The following NPR3 variants were observed in gnomAD, a reference collection of about 807,000 sequenced individuals.
The protein encoded by NPR3 is atrial natriuretic peptide receptor 3.
A neutral mutation model predicts 54.5 loss-of-function variants in NPR3; 34 were observed. The ratio of observed to expected loss-of-function variants is 0.62; its 90% confidence interval spans 0.47 to 0.83. The LOEUF (loss-of-function observed/expected upper bound fraction) is 0.83. Among genes scored for constraint, NPR3 ranks in the 40% least tolerant of loss-of-function variants. The pLI, the probability that NPR3 is intolerant of heterozygous loss-of-function variation, is 0.00. For synonymous variants in NPR3, 289 were observed against 297.1 expected (o/e 0.97, Z 0.28); for missense variants, 674 against 720.8 (o/e 0.94, Z 0.74).
intron 3 of NPR3, among the ~76,000 whole-genome samples, chr5:32,745,972 C>T (rs914669416): frequency 3.3e-5 from 5 of 152,102 alleles, no homozygotes; most frequent in African/African-American, 9.7e-5. Context: ...ACATAAATAT[C>T]CATGACTGTG....
In NPR3 at chr5:32,783,009, C is replaced by T. The variant is rs750067218; in HGVS notation, c.1407C>T (p.Asn469=). Residue 469 remains asparagine (N), a synonymous_variant, in exon 6 of 8, where the codon AAC becomes AAT. Coordinates refer to ENST00000265074, the MANE Select transcript of NPR3 (RefSeq NM_001204375.2). ...AAAACCGAATTGTAGAGCATACAAA[C>T]AGCTCTCCCTGCAAATCATGTAAGT... ...IDENRIVEHT[N]SSPCKSSGGL... 1 of 1,602,574 alleles carries T rather than the reference C, an allele frequency of 6.2e-7. No individual in the cohort carries two copies. The highest frequency in any genetic ancestry group is 8.5e-7 in the Non-Finnish European group (1 of 1,173,680).
At chr5:32,720,085 G>T (rs916829136) in intron 1 of NPR3, among the ~76,000 whole-genome samples, 3 of 152,130 alleles carry the variant, frequency 2.0e-5, no homozygotes, top group Admixed American at 2.0e-4. Flanking sequence ...CCAGAATTAG[G>T]CAGGAATATC....
chr5:32,715,192 G>A (rs1738483064), intron 1 of NPR3, among the ~76,000 whole-genome samples: 1 of 152,202 alleles, frequency 6.6e-6, no homozygotes, highest in South Asian at 2.1e-4. Flanking sequence ...GTGAAACAAT[G>A]TGTGGGGTGA....
intron 3 of NPR3, among the ~76,000 whole-genome samples, chr5:32,740,665 T>G (rs187012842): frequency 1.3e-5 from 2 of 152,148 alleles, no homozygotes; most frequent in Admixed American, 6.5e-5. Flanking sequence ...TAACACAATA[T>G]AAACATATTT....
chr5:32,754,150 G>T (rs1740713882), intron 3 of NPR3, among the ~76,000 whole-genome samples: 1 of 152,128 alleles, frequency 6.6e-6, no homozygotes, highest in African/African-American at 2.4e-5. Context: ...ATAAGGCCTG[G>T]CCATTGATGC....
In NPR3 at chr5:32,746,737, G is replaced by A. The variant is rs188827411; in HGVS notation, c.1059+7707G>A. ...CATGTTAGACTGAGTCAGTGTGGGAGACAGATTTTCCTCTCAGTCAGCTTA... is the reference window on the plus strand; with the variant it reads ...CATGTTAGACTGAGTCAGTGTGGGAAACAGATTTTCCTCTCAGTCAGCTTA... On this transcript the variant is annotated intron_variant, in intron 3 of 7. Transcript: ENST00000265074. Among the ~76,000 whole-genome samples the A allele has an allele frequency of 5.9e-3, 899 of 152,286 alleles. 4 individuals are homozygous for A. Among genetic ancestry groups the A allele is most frequent in the Non-Finnish European group, 8.6e-3 (586 of 68,016 alleles).
intron 1 of NPR3, among the ~76,000 whole-genome samples, chr5:32,698,498 C>T (rs1299050296): frequency 6.6e-6 from 1 of 151,978 alleles, no homozygotes; most frequent in African/African-American, 2.4e-5. Context: ...TCCATTTGGT[C>T]TATAATGCAG....
At chr5:32,781,657 T>C (rs1742343032) in intron 5 of NPR3, among the ~76,000 whole-genome samples, 1 of 152,168 alleles carries the variant, frequency 6.6e-6, no homozygotes, top group Non-Finnish European at 1.5e-5. Flanking sequence ...TTGTGGGAAG[T>C]TCTGAAGCAG....
intron 1 of NPR3, 43 bp downstream of exon 1, chr5:32,712,588 G>T (rs778781025): frequency 7.4e-6 from 11 of 1,481,002 alleles, no homozygotes; most frequent in Non-Finnish European, 9.9e-6. Flanking sequence ...TAACCCAACC[G>T]CTCTCCGCGG....
At chr5:32,751,422 G>A (rs1352458399) in intron 3 of NPR3, among the ~76,000 whole-genome samples, 2 of 152,194 alleles carry the variant, frequency 1.3e-5, no homozygotes, top group East Asian at 3.9e-4. Flanking sequence ...TCCTTCTAGT[G>A]CCAAAGGAGG....
chr5:32,749,691 G>A (rs928759822), intron 3 of NPR3, among the ~76,000 whole-genome samples: 5 of 152,176 alleles, frequency 3.3e-5, no homozygotes, highest in Non-Finnish European at 2.9e-5. Flanking sequence ...GGGAGTGAAA[G>A]TCTCACCTTT....
At chr5:32,726,503 T>C (rs1739143962) in intron 2 of NPR3, among the ~76,000 whole-genome samples, 1 of 152,166 alleles carries the variant, frequency 6.6e-6, no homozygotes, top group Admixed American at 6.6e-5. Flanking sequence ...AGTTTTACTA[T>C]GGGCTGCAGG....
chr5:32,699,454 C>T (rs1405529432), intron 1 of NPR3, among the ~76,000 whole-genome samples: 1 of 152,126 alleles, frequency 6.6e-6, no homozygotes, highest in Non-Finnish European at 1.5e-5. Context: ...AATGCTTTCC[C>T]TCCACTCATC....
At chr5:32,718,428 G>C (rs188038530) in intron 1 of NPR3, among the ~76,000 whole-genome samples, 2 of 152,224 alleles carry the variant, frequency 1.3e-5, no homozygotes, top group African/African-American at 4.8e-5. Flanking sequence ...AATTACTTTG[G>C]GCAATATGGC....
In NPR3 at chr5:32,782,757, C is replaced by T. The variant is rs183063901; in HGVS notation, c.1291-136C>T. The T allele has an allele frequency of 6.5e-5, 52 of 796,518 alleles. No individual in the cohort carries two copies. In the African/African-American group the frequency reaches 7.0e-4, roughly 11 times the overall value. 49.3% of individuals were successfully genotyped at this position (796,518 alleles called of 1,614,324 possible). Reference sequence around the variant, plus strand: ...GCACTTGCTGTCCTTGCCCTGGAGACGGTGATTTGATGAAATGCCCAGAGG... The same window carrying T: ...GCACTTGCTGTCCTTGCCCTGGAGATGGTGATTTGATGAAATGCCCAGAGG... On this transcript the variant is annotated intron_variant, in intron 5 of 7. Transcript: ENST00000265074.
intron 1 of NPR3, among the ~76,000 whole-genome samples, chr5:32,715,816 T>G (rs1293223891): frequency 6.6e-6 from 1 of 152,244 alleles, no homozygotes; most frequent in African/African-American, 2.4e-5. Flanking sequence ...TGTGAAGAAC[T>G]GTAGTTTTAT....
chr5:32,731,495 T>C (rs1170339164), intron 2 of NPR3, among the ~76,000 whole-genome samples: 4 of 152,202 alleles, frequency 2.6e-5, no homozygotes, highest in African/African-American at 9.6e-5. Flanking sequence ...ATAATAATAC[T>C]TATCTTATGG....
chr5:32,764,335 T>A (rs1483907296), intron 3 of NPR3, among the ~76,000 whole-genome samples: 1 of 152,084 alleles, frequency 6.6e-6, no homozygotes, highest in African/African-American at 2.4e-5. Context: ...TCTGCTTGAG[T>A]GCCAGCTGCC....
chr5:32,736,859 G>T (rs1421489774), intron 2 of NPR3, among the ~76,000 whole-genome samples: 1 of 152,192 alleles, frequency 6.6e-6, no homozygotes, highest in Non-Finnish European at 1.5e-5. Context: ...ATTGAGCACA[G>T]ATTTAGTTCC....
Sources: allele counts gnomAD v4.1 joint callset (sites outside exome capture counted in the v4.1 genomes callset), GRCh38; gene constraint gnomAD v4.1.1; transcripts MANE v1.5; gene names NCBI Gene and HGNC (gene_info 2026-07-23, HGNC 2026-07-21).